TBXAS1: variants seen among roughly 807,000 people sequenced by gnomAD.
TBXAS1 encodes thromboxane A synthase 1, also known as thromboxane-A synthase.
Under a neutral mutation model 60.7 loss-of-function variants are expected in TBXAS1, and 48 were observed. That is an observed-to-expected ratio of 0.79 (90% CI 0.63 to 1.01). The LOEUF is 1.01. TBXAS1 is among the 50% of genes least tolerant of loss of function. The probability of loss-of-function intolerance (pLI) is 0.00; values close to 1 mark genes in which losing one functional copy is unlikely to be tolerated. For missense variants in TBXAS1, 685 were observed against 686.3 expected (o/e 1.00, Z 0.02); for synonymous variants, 287 against 269.7 (o/e 1.06, Z -0.63).
At chr7:139,881,001 T>C (rs1266449816) in intron 3 of TBXAS1, among the ~76,000 whole-genome samples, 1 of 152,220 alleles carries the variant, frequency 6.6e-6, no homozygotes, top group Non-Finnish European at 1.5e-5. Flanking sequence ...TGATGGTATA[T>C]TGCTGCAGTT....
At chr7:139,846,072 C>A (rs1799784021) in intron 1 of TBXAS1, among the ~76,000 whole-genome samples, 2 of 151,870 alleles carry the variant, frequency 1.3e-5, no homozygotes, top group South Asian at 4.1e-4. Context: ...ATATTTTTTT[C>A]TTTAGAAGTC....
intron 9 of TBXAS1, among the ~76,000 whole-genome samples, chr7:139,973,478 CT>C (rs759808834): frequency 6.6e-6 from 1 of 152,056 alleles, no homozygotes; most frequent in East Asian, 1.9e-4. Flanking sequence ...CCAGACACTC[CT>C]TTAACCCTAG....
At chr7:139,844,247 T>C (rs1190330730) in intron 1 of TBXAS1, among the ~76,000 whole-genome samples, 2 of 152,222 alleles carry the variant, frequency 1.3e-5, no homozygotes, top group East Asian at 3.9e-4. Flanking sequence ...GCAGAGGCAT[T>C]GAAGAACAGA....
chr7:140,003,587 T>G (rs2116360181), intron 9 of TBXAS1, among the ~76,000 whole-genome samples: 1 of 152,080 alleles, frequency 6.6e-6, no homozygotes, highest in East Asian at 1.9e-4. Flanking sequence ...AGACTTTGAT[T>G]TTCTAATACA....
At chr7:139,858,593 A>G (rs1246996246) in intron 1 of TBXAS1, among the ~76,000 whole-genome samples, 1 of 152,194 alleles carries the variant, frequency 6.6e-6, no homozygotes, top group Non-Finnish European at 1.5e-5. Context: ...AAGGGCATGT[A>G]GGCATGGTCC....
chr7:139,847,935 C>T (rs1382052215), intron 1 of TBXAS1, among the ~76,000 whole-genome samples: 1 of 152,168 alleles, frequency 6.6e-6, no homozygotes, highest in Non-Finnish European at 1.5e-5. Flanking sequence ...GATCCTTTCA[C>T]CTCAGCCTCT....
rs1269088195 is a variant in TBXAS1 at position 139,905,063 on chromosome 7, C to T, written c.237-6162C>T. ...TCTTTCTTTCTTTCTTTCTTTCTCT[C>T]TCTCTCTCTCTCTTTCTCTTTCTCC... On this transcript the variant is annotated intron_variant, in intron 3 of 12. Coordinates refer to ENST00000448866, the MANE Select transcript of TBXAS1 (RefSeq NM_001061.7). 6.3e-5 allele frequency among the ~76,000 whole-genome samples: 8 copies of T among 126,708 alleles called. No individual in the cohort carries two copies. The South Asian group carries it at 1.3e-3, about 21-fold the overall frequency. 83.1% of individuals were successfully genotyped at this position (126,708 alleles called of 152,430 possible). A position where few individuals can be genotyped will look rare whatever the true frequency, so the allele number is the denominator to read the frequency against.
rs1430609067 is a variant in TBXAS1, at chr7:139,986,722, C to CATATATATATAT, written c.1135-20363_1135-20352dup. Among the ~76,000 whole-genome samples, 19 of 65,904 alleles carry CATATATATATAT rather than the reference C, an allele frequency of 2.9e-4. 1 individual carries two copies. The highest frequency in any genetic ancestry group is 5.0e-4 in the South Asian group (1 of 2,018). 43.2% of individuals were successfully genotyped at this position (65,904 alleles called of 152,430 possible). A position where few individuals can be genotyped will look rare whatever the true frequency, so the allele number is the denominator to read the frequency against. On this transcript the variant is annotated intron_variant, in intron 9 of 12. Transcript: ENST00000448866. ...TTTTTATGGCTGAGTAGTATTCCAT[C>CATATATATATAT]ATATATATATATATATACATACATA...
At chr7:139,796,592 T>C (rs1053412337) in intron 4 of TBXAS1, among the ~76,000 whole-genome samples, 1 of 152,194 alleles carries the variant, frequency 6.6e-6, no homozygotes, top group Non-Finnish European at 1.5e-5. Flanking sequence ...TCAAAACTCA[T>C]AAAATGTACA....
At chr7:139,800,573 G>T in intron 4 of TBXAS1, among the ~76,000 whole-genome samples, 1 of 152,072 alleles carries the variant, frequency 6.6e-6, no homozygotes, top group East Asian at 1.9e-4. Flanking sequence ...GATTGTGTTT[G>T]TTTCCTCATC....
intron 3 of TBXAS1, among the ~76,000 whole-genome samples, chr7:139,897,985 T>C (rs1804242098): frequency 6.6e-6 from 1 of 152,156 alleles, no homozygotes; most frequent in African/African-American, 2.4e-5. Context: ...AGACACTCCA[T>C]GAGCCAAGCA....
intron 1 of TBXAS1, among the ~76,000 whole-genome samples, chr7:139,865,761 G>C (rs1246127859): frequency 9.0e-6 from 1 of 111,274 alleles, no homozygotes; most frequent in Admixed American, 9.0e-5. Context: ...AGGAGGAAGG[G>C]AGGGAGGGAA....
chr7:140,007,609 G>C (rs575932869), intron 10 of TBXAS1, among the ~76,000 whole-genome samples: 1 of 152,244 alleles, frequency 6.6e-6, no homozygotes, highest in South Asian at 2.1e-4. Flanking sequence ...TCTTGGAGCT[G>C]GCATTCAGAC....
chr7:139,897,654 G>A (rs534447156), intron 3 of TBXAS1, among the ~76,000 whole-genome samples: 2 of 152,292 alleles, frequency 1.3e-5, no homozygotes, highest in East Asian at 3.9e-4. Context: ...GCAAAAGAAA[G>A]TTGCTGAACA....
At chr7:139,904,989 CTCTTTCTCTCTTTCTCTCTT>C (rs1451397667) in intron 3 of TBXAS1, among the ~76,000 whole-genome samples, 68 of 128,770 alleles carry the variant, frequency 5.3e-4, no homozygotes, top group African/African-American at 1.6e-3. Flanking sequence ...TTCTCTTTCT[CTCTTTCTCTCTTTCTCTCTT>C]TCTTTCTTTC....
chr7:139,788,760 G>A (rs898462690), intron 4 of TBXAS1, among the ~76,000 whole-genome samples: 4 of 152,254 alleles, frequency 2.6e-5, no homozygotes, highest in African/African-American at 7.2e-5. Context: ...TGGAATGGCC[G>A]TGCCCTAGGG....
intron 1 of TBXAS1, among the ~76,000 whole-genome samples, chr7:139,834,099 G>A (rs10215460): frequency 0.062 from 9,402 of 152,206 alleles, 967 homozygotes; most frequent in African/African-American, 0.22. Flanking sequence ...AATTGAAATT[G>A]TATCAAGCAC....
At chr7:140,017,983 T>G in intron 12 of TBXAS1, 150 bp downstream of exon 12, 1 of 1,010,944 alleles carries the variant, frequency 9.9e-7, no homozygotes, top group Non-Finnish European at 1.5e-6. Flanking sequence ...GGCCTCAGTT[T>G]CTTGATTCGT....
At chr7:139,903,159 T>A (rs1804709327) in intron 3 of TBXAS1, among the ~76,000 whole-genome samples, 1 of 152,064 alleles carries the variant, frequency 6.6e-6, no homozygotes, top group Non-Finnish European at 1.5e-5. Flanking sequence ...TGTGTCCTCA[T>A]AGCTTAGTTC....
Sources: allele counts gnomAD v4.1 joint callset (sites outside exome capture counted in the v4.1 genomes callset), GRCh38; gene constraint gnomAD v4.1.1; transcripts MANE v1.5; gene names NCBI Gene and HGNC (gene_info 2026-07-23, HGNC 2026-07-21).